ZFP82: variants seen among roughly 807,000 people sequenced by gnomAD.
The protein encoded by ZFP82 is zinc finger protein 82 homolog.
In ZFP82, 30 loss-of-function variants were observed where a neutral mutation model predicts 54.0. The ratio of observed to expected loss-of-function variants is 0.56; its 90% CI spans 0.42 to 0.75. The LOEUF (loss-of-function observed/expected upper bound fraction) is 0.75, where lower values mean the gene tolerates loss of function less well. ZFP82 is among the 30% of genes least tolerant of loss of function. The pLI is 0.00. For missense variants in ZFP82, 500 were observed against 636.8 expected (o/e 0.79, Z 2.31); for synonymous variants, 194 against 209.5 (o/e 0.93, Z 0.64).
At chr19:36,383,412 A>T (rs989960473) in exon 2 of ZFP82, 4 of 135,642 alleles carry the variant, frequency 2.9e-5, no homozygotes, top group Non-Finnish European at 6.8e-5. Context: ...TATTTCTAAT[A>T]AAAAAAAAAG....
At chr19:36,396,865 C>G (rs942387609) in intron 4 of ZFP82, among the ~76,000 whole-genome samples, 2 of 149,650 alleles carry the variant, frequency 1.3e-5, no homozygotes, top group South Asian at 4.2e-4. Flanking sequence ...AAAAATTAAG[C>G]CTACATTTTG....
At chr19:36,386,930 G>A (rs566359147), downstream of ZFP82, among the ~76,000 whole-genome samples, 63 of 152,244 alleles carry the variant, frequency 4.1e-4, no homozygotes, top group Admixed American at 5.2e-4. Flanking sequence ...GCGAGACTCC[G>A]TCTCAAAAAA....
Position 36,409,785 on chromosome 19 carries a change from G to T in ZFP82, c.5C>A (p.Ala2Asp), listed in dbSNP as rs1456802040. The change falls in exon 2 of 5, where the codon GCC becomes GAC. Residue 2 changes from alanine to aspartate, a missense_variant. Transcript: ENST00000392161. M[A>D]LRSVMFSDVS... ...TAGGAGGAGAAAAAAACTTACAAGG[G>T]CCATGGTATAGAAATTCAAGAACTG... 8 of 1,613,662 alleles carry T rather than the reference G, an allele frequency of 5.0e-6. No individual in the cohort carries two copies. Among genetic ancestry groups the T allele is most frequent in the Non-Finnish European group, 5.9e-6 (7 of 1,179,866 alleles).
chr19:36,397,089 C>CA (rs1272912191), intron 4 of ZFP82, among the ~76,000 whole-genome samples: 1 of 97,882 alleles, frequency 1.0e-5, no homozygotes, highest in African/African-American at 4.4e-5. Context: ...AAGCATAAAC[C>CA]AATTTTTTTT....
intron 4 of ZFP82, 80 bp from the exon 5 acceptor site, chr19:36,394,190 C>A (rs2032256947): frequency 2.3e-6 from 3 of 1,284,748 alleles, no homozygotes; most frequent in Non-Finnish European, 3.2e-6. Context: ...AAATAAAAGA[C>A]AACAAAAGTA....
At chr19:36,398,963 GA>G (rs900840156) in intron 4 of ZFP82, among the ~76,000 whole-genome samples, 1 of 149,914 alleles carries the variant, frequency 6.7e-6, no homozygotes, top group Non-Finnish European at 1.5e-5. Context: ...TAAAAAATCA[GA>G]AAAAAAAATC....
At position 36,391,254 on chromosome 19, in the gene ZFP82, G is replaced by T. The variant is rs1187253253; in HGVS notation, c.*1487C>A. On this transcript the variant is annotated 3_prime_UTR_variant, in exon 5 of 5. Transcript: ENST00000392161. ...TGCATTTGGTTCAGGAAAAAAAAAA[G>T]CTCAAAGGTTGGAGTGGTCATGATA... is the stretch of plus-strand genomic sequence containing the variant. 6.6e-6 allele frequency: 1 copy of T among 151,416 alleles called. No individual in the cohort carries two copies. The highest frequency in any genetic ancestry group is 1.5e-5 in the Non-Finnish European group (1 of 67,830). The allele number at this position is 151,416 out of a possible 1,614,324, so 9.4% of individuals were successfully genotyped here.
Position 36,393,663 on chromosome 19 carries a change from T to C in ZFP82, c.677A>G (p.Tyr226Cys), listed in dbSNP as rs1392868135. 2 of 1,614,182 alleles carry C rather than the reference T, an allele frequency of 1.2e-6. No individual in the cohort carries two copies. Among genetic ancestry groups the C allele is most frequent in the South Asian group, 1.1e-5 (1 of 91,084 alleles). The change falls in exon 5 of 5, where the codon TAT becomes TGT. Residue 226 changes from tyrosine to cysteine, a missense_variant. By Grantham distance (194) the Tyr-to-Cys change is radical. Transcript: ENST00000392161. ...HQRLHSGEKLYECKECGEAFI... is the reference protein window; with the variant it reads ...HQRLHSGEKLCECKECGEAFI... ...AGCTTCCCCACATTCCTTACATTCA[T>C]AGAGTTTTTCACCAGAATGAAGTCT...
chr19:36,395,500 A>G (rs188012830), intron 4 of ZFP82: 46 of 152,322 alleles, frequency 3.0e-4, no homozygotes, highest in African/African-American at 1.1e-3. Flanking sequence ...AATGTGGAAA[A>G]AAGTAATGTG....
At chr19:36,394,971 GT>G (rs879612255) in intron 4 of ZFP82, 3 of 152,120 alleles carry the variant, frequency 2.0e-5, no homozygotes, top group Non-Finnish European at 4.4e-5. Context: ...CATATAATAG[GT>G]TTTACTCATT....
chr19:36,392,956 G>A lies in ZFP82; in HGVS notation c.1384C>T (p.Arg462Cys), dbSNP rs779050977. 11 of 1,613,620 alleles carry A rather than the reference G, an allele frequency of 6.8e-6. No homozygotes were observed. The highest frequency in any genetic ancestry group is 2.2e-5 in the East Asian group (1 of 44,872). ...CKECGKAFRL[R>C]QKLTLHQSIH... Reference sequence around the variant, plus strand: ...CTCTGATGTAGAGTAAGTTTTTGGCGCAATCTAAAGGCCTTGCCACATTCC... The same window carrying A: ...CTCTGATGTAGAGTAAGTTTTTGGCACAATCTAAAGGCCTTGCCACATTCC... Residue 462 changes from arginine to cysteine, a missense_variant, in exon 5 of 5, where the codon CGC becomes TGC. Arg to Cys is a radical substitution (Grantham distance 180). Transcript: ENST00000392161.
chr19:36,415,157 TTG>T (rs1297190366), intron 1 of ZFP82, among the ~76,000 whole-genome samples: 17 of 152,228 alleles, frequency 1.1e-4, no homozygotes, highest in African/African-American at 4.1e-4. Flanking sequence ...TGCAGAGTCT[TTG>T]TCTCCTTAAA....
intron 1 of ZFP82, among the ~76,000 whole-genome samples, chr19:36,412,068 G>A (rs935759502): frequency 2.0e-5 from 1 of 50,564 alleles, no homozygotes; most frequent in Non-Finnish European, 4.5e-5. Context: ...AAACAGACGT[G>A]AGAGAAACAG....
Position 36,391,955 on chromosome 19 carries a change from T to C in ZFP82, c.*786A>G, listed in dbSNP as rs1241489186. On this transcript the variant is annotated 3_prime_UTR_variant, in exon 5 of 5. Coordinates refer to ENST00000392161, the MANE Select transcript of ZFP82 (RefSeq NM_133466.4). ...TATTTAGTATGATAATAAAAGAAAG[T>C]TTAGTGGCTTAAAACAACAACCATT... 6.6e-6 allele frequency: 1 copy of C among 152,124 alleles called. No individual in the cohort carries two copies. The highest frequency in any genetic ancestry group is 1.5e-5 in the Non-Finnish European group (1 of 68,022). 9.4% of individuals were successfully genotyped at this position (152,124 alleles called of 1,614,324 possible).
chr19:36,400,000 GCAAA>G (rs896542506), intron 4 of ZFP82, among the ~76,000 whole-genome samples: 6 of 152,062 alleles, frequency 3.9e-5, no homozygotes, highest in Non-Finnish European at 8.8e-5. Context: ...AAAAATACTG[GCAAA>G]CAGACATACA....
intron 2 of ZFP82, 112 bp downstream of exon 2, chr19:36,409,669 G>T: frequency 1.8e-6 from 2 of 1,128,532 alleles, no homozygotes; most frequent in Non-Finnish European, 2.7e-6. Context: ...GGATTTGGAA[G>T]AACTGGAAGA....
Position 36,390,765 on chromosome 19 carries a change from TTTTG to T in ZFP82, c.*1972_*1975del. The T allele has an allele frequency of 7.2e-6, 1 of 139,378 alleles. No homozygotes were observed. The highest frequency in any genetic ancestry group is 3.8e-3 in the Middle Eastern group (1 of 266). 8.6% of individuals were successfully genotyped at this position (139,378 alleles called of 1,614,324 possible). On this transcript the variant is annotated 3_prime_UTR_variant, in exon 5 of 5. Transcript: ENST00000392161. ...TATCATTCATTTGATCTTTGTTTTG[TTTTG>T]TTTTTTGTTTTTTGTTTGAGACAGA...
At chr19:36,385,771 G>C (rs1237611526), downstream of ZFP82, among the ~76,000 whole-genome samples, 1 of 152,198 alleles carries the variant, frequency 6.6e-6, no homozygotes, top group Non-Finnish European at 1.5e-5. Context: ...GGCTGAATTT[G>C]TGTCCATGCC....
intron 2 of ZFP82, 116 bp downstream of exon 2, chr19:36,409,665 G>T: frequency 9.3e-7 from 1 of 1,077,602 alleles, no homozygotes. Flanking sequence ...CACTGGATTT[G>T]GAAGAACTGG....
Sources: gnomAD v4.1 joint callset for allele counts (sites outside exome capture counted in the v4.1 genomes callset) on GRCh38, gnomAD v4.1.1 for gene constraint, MANE v1.5 for transcripts, NCBI Gene and HGNC (gene_info 2026-07-23, HGNC 2026-07-21) for gene names.